Variants in ZNF331 observed in about 807,000 individuals in gnomAD.
The protein encoded by ZNF331 is C2H2-like zinc finger protein rearranged in thyroid adenomas.
A neutral mutation model predicts 7.0 loss-of-function variants in ZNF331; 2 were observed. The observed-to-expected ratio is 0.29, with a 90% confidence interval of 0.12 to 0.90. The LOEUF (loss-of-function observed/expected upper bound fraction) is 0.90, where lower values mean the gene tolerates loss of function less well. Among genes scored for constraint, ZNF331 ranks in the 40% least tolerant of loss-of-function variants. The pLI, the probability that ZNF331 is intolerant of heterozygous loss-of-function variation, is 0.58. For missense variants in ZNF331, 432 were observed against 587.7 expected, an observed-to-expected ratio of 0.74 and a Z score of 2.74; for synonymous variants, 196 against 205.4, an observed-to-expected ratio of 0.95 and a Z score of 0.39.
At chr19:53,574,941 T>C (rs1049599161) in intron 5 of ZNF331, among the ~76,000 whole-genome samples, 8 of 147,046 alleles carry the variant, frequency 5.4e-5, no homozygotes, top group Middle Eastern at 3.5e-3. Context: ...TCTTTTCTTT[T>C]TTTTTTTTTT....
At chr19:53,559,646 T>C (rs1228587070) in intron 3 of ZNF331, among the ~76,000 whole-genome samples, 1 of 146,704 alleles carries the variant, frequency 6.8e-6, no homozygotes, top group African/African-American at 2.5e-5. Context: ...ATCCCATATA[T>C]ACACAGCTAC....
intron 2 of ZNF331, among the ~76,000 whole-genome samples, chr19:53,549,653 G>A (rs8100589): frequency 0.74 from 111,470 of 150,904 alleles, 41,872 homozygotes; most frequent in African/African-American, 0.88. Context: ...TGATTCTAAC[G>A]TTAGAAATCC....
exon 1 of ZNF331, chr19:53,521,331 A>AGTGAGAGTGT (rs779905191): frequency 1.5e-5 from 2 of 129,114 alleles, no homozygotes; most frequent in African/African-American, 3.0e-5. Context: ...AGTGTGTGTG[A>AGTGAGAGTGT]GTGTGTGTGT....
the ZNF331 span, chr19:53,503,526 T>A: frequency 1.4e-6 from 1 of 733,368 alleles, no homozygotes; most frequent in Non-Finnish European, 2.5e-6. Context: ...ACAGATTTGA[T>A]GATCAGACAC....
At chr19:53,541,385 C>T (rs1013887877) in intron 2 of ZNF331, among the ~76,000 whole-genome samples, 9 of 151,992 alleles carry the variant, frequency 5.9e-5, no homozygotes, top group African/African-American at 1.7e-4. Context: ...GGATTACAGG[C>T]GTGAGCCACC....
Position 53,549,684 on chromosome 19 carries a change from ACT to A in ZNF331, c.-137-6158_-137-6157del, listed in dbSNP as rs1048124112. 3.0e-5 allele frequency among the ~76,000 whole-genome samples: 4 copies of A among 134,260 alleles called. No homozygotes were observed. The Admixed American group carries it at 3.2e-4, about 11-fold the overall frequency. 88.1% of individuals were successfully genotyped at this position (134,260 alleles called of 152,430 possible). On this transcript the variant is annotated intron_variant, in intron 2 of 5. Transcript: ENST00000449416. ...AATCCTATGTATGGGAACAGTGGGG[ACT>A]CTGTCTCAAAAAAAAAAAAAAAATT...
chr19:53,553,054 C>CT (rs2089115366), intron 2 of ZNF331, among the ~76,000 whole-genome samples: 1 of 151,976 alleles, frequency 6.6e-6, no homozygotes, highest in African/African-American at 2.4e-5. Flanking sequence ...CCTTTCAAAC[C>CT]TACCTTCCTC....
the ZNF331 span, among the ~76,000 whole-genome samples, chr19:53,511,618 A>G: frequency 6.6e-6 from 1 of 152,238 alleles, no homozygotes; most frequent in Admixed American, 6.5e-5. Flanking sequence ...CATCAAGCGT[A>G]AAAAGATAAC....
intron 2 of ZNF331, among the ~76,000 whole-genome samples, chr19:53,541,897 C>G (rs953552901): frequency 4.0e-5 from 6 of 151,872 alleles, no homozygotes; most frequent in Admixed American, 1.3e-4. Context: ...CCTATAGTTT[C>G]AGCTACTCAG....
chr19:53,544,271 T>C (rs12985207), intron 2 of ZNF331, among the ~76,000 whole-genome samples: 22,357 of 139,568 alleles, frequency 0.16, 1,848 homozygotes, highest in East Asian at 0.23. Context: ...TTAGGCCGGG[T>C]GTGGTGGCTC....
intron 2 of ZNF331, among the ~76,000 whole-genome samples, chr19:53,530,554 A>G (rs532930379): frequency 6.6e-6 from 1 of 152,346 alleles, no homozygotes; most frequent in Non-Finnish European, 1.5e-5. Context: ...GGGAAGACCA[A>G]TAGGGTAAGG....
intron 2 of ZNF331, among the ~76,000 whole-genome samples, chr19:53,528,860 C>A (rs1255421664): frequency 6.6e-6 from 1 of 152,028 alleles, no homozygotes; most frequent in Non-Finnish European, 1.5e-5. Context: ...TCAGAGCCCA[C>A]TGCAGCCTCC....
chr19:53,510,711 A>G, the ZNF331 span, among the ~76,000 whole-genome samples: 1 of 152,206 alleles, frequency 6.6e-6, no homozygotes, highest in African/African-American at 2.4e-5. Context: ...TCCCAACTGA[A>G]TGTATCTATA....
At chr19:53,506,208 G>A in the ZNF331 span, among the ~76,000 whole-genome samples, 13 of 134,570 alleles carry the variant, frequency 9.7e-5, no homozygotes, top group Non-Finnish European at 1.4e-4. Flanking sequence ...GGTGGCGGGC[G>A]CCTGTAATCC....
chr19:53,533,745 T>C (rs1408775544), upstream of ZNF331, among the ~76,000 whole-genome samples: 1 of 152,226 alleles, frequency 6.6e-6, no homozygotes, highest in South Asian at 2.1e-4. Flanking sequence ...ATAATGACTT[T>C]CTTTCTCTTC....
At chr19:53,524,101 T>C (rs1600193916) in intron 2 of ZNF331, among the ~76,000 whole-genome samples, 1 of 152,240 alleles carries the variant, frequency 6.6e-6, no homozygotes, top group East Asian at 1.9e-4. Context: ...ACTCATCCTT[T>C]TTTATGGCTG....
intron 2 of ZNF331, among the ~76,000 whole-genome samples, chr19:53,547,647 A>G (rs2088702548): frequency 6.6e-6 from 1 of 152,208 alleles, no homozygotes; most frequent in African/African-American, 2.4e-5. Context: ...AACAGTGTAT[A>G]AGGGTCCTCT....
At chr19:53,506,203 C>T in the ZNF331 span, among the ~76,000 whole-genome samples, 66,811 of 123,152 alleles carry the variant, frequency 0.54, 18,754 homozygotes, top group African/African-American at 0.67. Flanking sequence ...GGCGTGGTGG[C>T]GGGCGCCTGT....
chr19:53,545,049 C>T (rs73585686), intron 2 of ZNF331, among the ~76,000 whole-genome samples: 3,147 of 152,234 alleles, frequency 0.021, 94 homozygotes, highest in African/African-American at 0.068. Flanking sequence ...TAAGGTATCA[C>T]TACTGGTGTA....
Sources: allele counts gnomAD v4.1 joint callset (sites outside exome capture counted in the v4.1 genomes callset), GRCh38; gene constraint gnomAD v4.1.1; transcripts MANE v1.5; gene names NCBI Gene and HGNC (gene_info 2026-07-23, HGNC 2026-07-21).